The following PLXDC2 variants were observed in gnomAD, a reference collection of about 807,000 sequenced individuals.
The protein encoded by PLXDC2 is plexin domain-containing protein 2.
Under a neutral mutation model 68.9 loss-of-function variants are expected in PLXDC2, and 40 were observed. The observed-to-expected ratio is 0.58, with a 90% CI of 0.45 to 0.76. The LOEUF (loss-of-function observed/expected upper bound fraction) is 0.76. Ranked by LOEUF, PLXDC2 falls within the 30% of genes least tolerant of loss-of-function variation. PLXDC2 has a pLI of 0.00. For synonymous variants in PLXDC2, 243 were observed against 234.2 expected (o/e 1.04, Z -0.34); for missense variants, 644 against 661.9 (o/e 0.97, Z 0.30).
At chr10:19,820,805 C>A (rs577124546) in intron 1 of PLXDC2, among the ~76,000 whole-genome samples, 6 of 152,150 alleles carry the variant, frequency 3.9e-5, no homozygotes, top group Admixed American at 3.3e-4. Flanking sequence ...AGGCTGGGCA[C>A]GGCAGCTCAT....
chr10:19,834,527 T>C (rs890502655), intron 1 of PLXDC2, among the ~76,000 whole-genome samples: 3 of 152,224 alleles, frequency 2.0e-5, no homozygotes, highest in Admixed American at 2.0e-4. Flanking sequence ...TGCCACCATT[T>C]CAATACACAT....
chr10:20,075,797 G>A (rs1209763469), intron 4 of PLXDC2, among the ~76,000 whole-genome samples: 1 of 152,168 alleles, frequency 6.6e-6, no homozygotes, highest in Non-Finnish European at 1.5e-5. Flanking sequence ...ACAGGAATGG[G>A]GGAAGGTGGA....
intron 3 of PLXDC2, among the ~76,000 whole-genome samples, chr10:20,054,376 T>C (rs904058147): frequency 2.0e-5 from 3 of 151,954 alleles, no homozygotes; most frequent in African/African-American, 4.8e-5. Context: ...CTCAGATCAA[T>C]AAATTTGTAG....
intron 4 of PLXDC2, among the ~76,000 whole-genome samples, chr10:20,111,958 C>T (rs912188828): frequency 3.3e-5 from 5 of 152,072 alleles, no homozygotes; most frequent in South Asian, 2.1e-4. Flanking sequence ...TAGGGTTATA[C>T]GAATTTATTG....
chr10:19,936,898 G>A (rs572948225), intron 1 of PLXDC2, among the ~76,000 whole-genome samples: 5 of 152,290 alleles, frequency 3.3e-5, no homozygotes, highest in African/African-American at 9.6e-5. Context: ...CAAGATGGCT[G>A]TTACATAATA....
At chr10:20,068,986 G>C (rs1057321271) in intron 4 of PLXDC2, among the ~76,000 whole-genome samples, 1 of 151,984 alleles carries the variant, frequency 6.6e-6, no homozygotes, top group African/African-American at 2.4e-5. Context: ...GGAAGAAGGA[G>C]AAAAACACAT....
intron 4 of PLXDC2, among the ~76,000 whole-genome samples, chr10:20,139,693 C>T (rs934868348): frequency 2.6e-5 from 4 of 152,076 alleles, no homozygotes; most frequent in South Asian, 2.1e-4. Flanking sequence ...GATGAGTTAA[C>T]GTCCTTTGCA....
In PLXDC2 at chr10:19,844,113, A is replaced by G. The variant is rs958908012; in HGVS notation, c.112+26922A>G. The stretch of plus-strand genomic sequence containing the variant: ...ATTAAAGAACAGATAAGACAGACAC[A>G]CAGGAAAATTGTATCTGTAGTGAGC... On this transcript the variant is annotated intron_variant, in intron 1 of 13. Coordinates refer to ENST00000377252, the MANE Select transcript of PLXDC2 (RefSeq NM_032812.9). Among the ~76,000 whole-genome samples, 4 of 152,228 alleles carry G rather than the reference A, an allele frequency of 2.6e-5. No individual in the cohort carries two copies. In the East Asian group the frequency reaches 7.7e-4, roughly 29 times the overall value.
At chr10:20,138,563 A>C (rs956191400) in intron 4 of PLXDC2, among the ~76,000 whole-genome samples, 3 of 152,222 alleles carry the variant, frequency 2.0e-5, no homozygotes, top group African/African-American at 7.2e-5. Context: ...AATAAATGGA[A>C]ATAACACTAA....
intron 1 of PLXDC2, among the ~76,000 whole-genome samples, chr10:19,915,049 A>T (rs771725888): frequency 2.0e-5 from 3 of 151,980 alleles, no homozygotes; most frequent in Non-Finnish European, 4.4e-5. Flanking sequence ...TTGATGAGTC[A>T]TTTTTTTTAA....
intron 4 of PLXDC2, among the ~76,000 whole-genome samples, chr10:20,107,176 T>A (rs565918708): frequency 5.9e-5 from 9 of 151,838 alleles, no homozygotes; most frequent in African/African-American, 2.2e-4. Flanking sequence ...CTCTTTACAC[T>A]GTATCCTGCA....
chr10:19,987,555 TTGTTTTG>T lies in PLXDC2; in HGVS notation c.113-14218_113-14212del, dbSNP rs1834661964. ...CTTTGAGTGTTGATGTTATTTGGTT[TTGTTTTG>T]TTTTTTTTTCTTTTTTTGCGGCGGA... On this transcript the variant is annotated intron_variant, in intron 1 of 13. Coordinates refer to ENST00000377252, the MANE Select transcript of PLXDC2 (RefSeq NM_032812.9). Among the ~76,000 whole-genome samples, 3 of 77,734 alleles carry T rather than the reference TTGTTTTG, an allele frequency of 3.9e-5. No homozygotes were observed. The South Asian group carries it at 1.3e-3, about 33-fold the overall frequency. The allele number at this position is 77,734 out of a possible 152,430, so 51.0% of individuals were successfully genotyped here. A position where few individuals can be genotyped will look rare whatever the true frequency, so the allele number is the denominator to read the frequency against.
At chr10:19,846,290 G>A (rs944907118) in intron 1 of PLXDC2, among the ~76,000 whole-genome samples, 1 of 152,096 alleles carries the variant, frequency 6.6e-6, no homozygotes, top group Admixed American at 6.6e-5. Context: ...AAGGAAAAGA[G>A]CATTATTTTT....
At chr10:19,884,366 A>G (rs1490880406) in intron 1 of PLXDC2, among the ~76,000 whole-genome samples, 8 of 152,022 alleles carry the variant, frequency 5.3e-5, no homozygotes, top group African/African-American at 1.9e-4. Flanking sequence ...ATTTTTTTTT[A>G]TAATACTTTG....
chr10:19,888,354 T>A (rs1473113347), intron 1 of PLXDC2, among the ~76,000 whole-genome samples: 1 of 152,212 alleles, frequency 6.6e-6, no homozygotes, highest in African/African-American at 2.4e-5. Flanking sequence ...TCAGGCCAAG[T>A]AGTTTTTCTT....
chr10:19,821,903 T>C (rs1589483929), intron 1 of PLXDC2, among the ~76,000 whole-genome samples: 1 of 152,198 alleles, frequency 6.6e-6, no homozygotes, highest in African/African-American at 2.4e-5. Flanking sequence ...TCTTTTTTCT[T>C]TTATACATTC....
intron 4 of PLXDC2, among the ~76,000 whole-genome samples, chr10:20,109,031 C>T (rs1034326278): frequency 6.6e-6 from 1 of 152,142 alleles, no homozygotes; most frequent in Admixed American, 6.5e-5. Flanking sequence ...AACTTTGGAT[C>T]TTGCCTAATA....
chr10:19,943,020 C>T (rs1833843131), intron 1 of PLXDC2, among the ~76,000 whole-genome samples: 1 of 152,130 alleles, frequency 6.6e-6, no homozygotes, highest in Admixed American at 6.5e-5. Context: ...GTAATCTCAC[C>T]ACTTTAAAAA....
At chr10:20,009,186 A>G (rs1417628489) in intron 2 of PLXDC2, among the ~76,000 whole-genome samples, 1 of 152,200 alleles carries the variant, frequency 6.6e-6, no homozygotes, top group Non-Finnish European at 1.5e-5. Context: ...GAGTGATAAA[A>G]TTTTGCAGAA....
Sources: gnomAD v4.1 joint callset for allele counts (sites outside exome capture counted in the v4.1 genomes callset) on GRCh38, gnomAD v4.1.1 for gene constraint, MANE v1.5 for transcripts, NCBI Gene and HGNC (gene_info 2026-07-23, HGNC 2026-07-21) for gene names.